DPYD: variants seen among roughly 807,000 people sequenced by gnomAD.
DPYD encodes dihydropyrimidine dehydrogenase.
Under a neutral mutation model 116.2 loss-of-function variants are expected in DPYD, and 109 were observed. The observed-to-expected ratio is 0.94, with a 90% CI of 0.80 to 1.10. The LOEUF (loss-of-function observed/expected upper bound fraction) is 1.10. DPYD is among the 50% of genes least tolerant of loss of function. The pLI is 0.00. For missense variants in DPYD, 1,302 were observed against 1,254.5 expected, an observed-to-expected ratio of 1.04 and a Z score of -0.57; for synonymous variants, 440 against 432.0, an observed-to-expected ratio of 1.02 and a Z score of -0.23.
At chr1:97,430,504 G>A (rs1675112981) in intron 14 of DPYD, among the ~76,000 whole-genome samples, 1 of 151,990 alleles carries the variant, frequency 6.6e-6, no homozygotes, top group Non-Finnish European at 1.5e-5. Flanking sequence ...TATTTAGCAT[G>A]CTTGAACCCA....
Position 97,803,909 on chromosome 1 carries a change from C to G in DPYD, c.233+24205G>C, listed in dbSNP as rs141471470. 5.4e-3 allele frequency among the ~76,000 whole-genome samples: 816 copies of G among 151,820 alleles called. 10 individuals carry two copies. The highest frequency in any genetic ancestry group is 0.019 in the African/African-American group (768 of 41,482). The stretch of plus-strand genomic sequence containing the variant: ...TTCAGAAAATACTTGGCAACTCCAC[C>G]TCATATGTACCTGGACTTAAAATAT... On this transcript the variant is annotated intron_variant, in intron 3 of 22. Transcript: ENST00000370192.
intron 12 of DPYD, among the ~76,000 whole-genome samples, chr1:97,540,933 T>C (rs1236069708): frequency 1.3e-5 from 2 of 152,220 alleles, no homozygotes; most frequent in African/African-American, 2.4e-5. Flanking sequence ...AATTTCACAA[T>C]ATCACCATGT....
At chr1:97,210,393 GA>G (rs1485502008) in intron 19 of DPYD, among the ~76,000 whole-genome samples, 2 of 152,110 alleles carry the variant, frequency 1.3e-5, no homozygotes, top group Non-Finnish European at 2.9e-5. Flanking sequence ...ATATTTCTGA[GA>G]ATGACAAGAG....
In DPYD at chr1:97,497,246, A is replaced by G. The variant is rs973546056; in HGVS notation, c.1740+18480T>C. 5.9e-5 allele frequency among the ~76,000 whole-genome samples: 9 copies of G among 152,060 alleles called. 2 individuals are homozygous for G. The highest frequency in any genetic ancestry group is 2.2e-4 in the African/African-American group (9 of 41,552). The stretch of plus-strand genomic sequence containing the variant: ...ATGTTTTGCTCAAAATTTAGCTAGG[A>G]ATATTTATTCATTTCTTTGAACTAT... On this transcript the variant is annotated intron_variant, in intron 13 of 22. Coordinates refer to ENST00000370192, the MANE Select transcript of DPYD (RefSeq NM_000110.4).
rs552702204 is a variant in DPYD at position 97,235,572 on chromosome 1, C to T, written c.2300-578G>A. ...CCACGAGGCGGAGGTTGCAGTGAGCCGAGATCACACCATTGCACTCCAGCC... is the reference window on the plus strand; with the variant it reads ...CCACGAGGCGGAGGTTGCAGTGAGCTGAGATCACACCATTGCACTCCAGCC... On this transcript the variant is annotated intron_variant, in intron 18 of 22. Coordinates refer to ENST00000370192, the MANE Select transcript of DPYD (RefSeq NM_000110.4). 5.3e-5 allele frequency among the ~76,000 whole-genome samples: 8 copies of T among 151,780 alleles called. 1 individual carries two copies. Among genetic ancestry groups the T allele is most frequent in the Admixed American group, 2.0e-4 (3 of 15,258 alleles).
intron 20 of DPYD, among the ~76,000 whole-genome samples, chr1:97,100,784 C>T (rs1234560410): frequency 1.3e-5 from 2 of 151,918 alleles, no homozygotes; most frequent in Admixed American, 6.6e-5. Context: ...ATTATTTCAA[C>T]AATGGTAATA....
intron 10 of DPYD, among the ~76,000 whole-genome samples, chr1:97,588,244 C>G (rs1346689796): frequency 6.6e-6 from 1 of 152,100 alleles, no homozygotes. Flanking sequence ...CTAAGGCGTA[C>G]CAGGGGTAGC....
intron 12 of DPYD, 131 bp downstream of exon 12, chr1:97,549,429 T>C: frequency 9.7e-7 from 1 of 1,027,228 alleles, no homozygotes; most frequent in Non-Finnish European, 1.5e-6. Context: ...TGTATCCAAG[T>C]ATGTACGTGA....
intron 5 of DPYD, among the ~76,000 whole-genome samples, chr1:97,708,292 T>C (rs749328998): frequency 1.4e-4 from 22 of 152,148 alleles, no homozygotes; most frequent in Non-Finnish European, 2.5e-4. Context: ...GTATTTTACA[T>C]TGAGGTTTAT....
intron 16 of DPYD, among the ~76,000 whole-genome samples, chr1:97,324,128 G>C (rs186347335): frequency 1.5e-4 from 23 of 152,064 alleles, no homozygotes; most frequent in Admixed American, 3.3e-4. Context: ...GACAACTCTT[G>C]GTGTTCATTC....
At chr1:97,405,522 G>A (rs968596771) in intron 14 of DPYD, among the ~76,000 whole-genome samples, 2 of 151,468 alleles carry the variant, frequency 1.3e-5, no homozygotes, top group Admixed American at 6.6e-5. Context: ...TTATTCTTTT[G>A]TTTGTTTTTT....
rs147683996 is a variant in DPYD at position 97,238,604 on chromosome 1, T to C, written c.2300-3610A>G. 2.2e-3 allele frequency among the ~76,000 whole-genome samples: 342 copies of C among 152,286 alleles called. 2 individuals carry two copies. The highest frequency in any genetic ancestry group is 7.9e-3 in the African/African-American group (329 of 41,560). On this transcript the variant is annotated intron_variant, in intron 18 of 22. Transcript: ENST00000370192. ...TCAATGCCATACAAAATTGTACATA[T>C]GCCAATTAAAATCATAAAGACTTCC...
intron 3 of DPYD, chr1:97,775,016 T>C (rs897620379): frequency 1.1e-5 from 3 of 284,462 alleles, no homozygotes; most frequent in African/African-American, 6.7e-5. Context: ...GAATGCCAGG[T>C]TTGTGACAGT....
intron 19 of DPYD, among the ~76,000 whole-genome samples, chr1:97,230,161 C>G (rs2100731310): frequency 6.6e-6 from 1 of 152,168 alleles, no homozygotes; most frequent in Non-Finnish European, 1.5e-5. Flanking sequence ...ATAAATCATC[C>G]CATTATAAAG....
intron 16 of DPYD, among the ~76,000 whole-genome samples, chr1:97,365,705 G>A (rs1462149752): frequency 6.6e-6 from 1 of 152,018 alleles, no homozygotes; most frequent in Non-Finnish European, 1.5e-5. Context: ...TCAGTTCACC[G>A]CAACCTCCGT....
chr1:97,304,656 A>G (rs1011861588), intron 18 of DPYD, among the ~76,000 whole-genome samples: 7 of 152,010 alleles, frequency 4.6e-5, no homozygotes, highest in African/African-American at 1.4e-4. Context: ...TGCAAGACCA[A>G]GTTCATGTTG....
intron 14 of DPYD, among the ~76,000 whole-genome samples, chr1:97,397,928 A>G (rs1229442226): frequency 2.0e-5 from 3 of 150,334 alleles, no homozygotes; most frequent in Non-Finnish European, 4.4e-5. Context: ...GTTTTACAAG[A>G]AACTGCCACA....
intron 3 of DPYD, among the ~76,000 whole-genome samples, chr1:97,752,749 G>C (rs755268212): frequency 6.6e-6 from 1 of 152,108 alleles, no homozygotes; most frequent in Non-Finnish European, 1.5e-5. Flanking sequence ...GAGCCATTCT[G>C]ATCTCTCTAA....
chr1:97,876,541 C>T lies in DPYD; in HGVS notation c.150+6723G>A, dbSNP rs557192721. Reference sequence around the variant, plus strand: ...AGGAACTTACTCTGCCATCTCTCCCCACTCCAACAGCCTTCATTTGAGAAC... The same window carrying T: ...AGGAACTTACTCTGCCATCTCTCCCTACTCCAACAGCCTTCATTTGAGAAC... On this transcript the variant is annotated intron_variant, in intron 2 of 22. Transcript: ENST00000370192. Among the ~76,000 whole-genome samples, 96 of 152,096 alleles carry T rather than the reference C, an allele frequency of 6.3e-4. 1 individual carries two copies. The highest frequency in any genetic ancestry group is 3.7e-3 in the Admixed American group (56 of 15,246).
Sources: allele counts gnomAD v4.1 joint callset (sites outside exome capture counted in the v4.1 genomes callset), GRCh38; gene constraint gnomAD v4.1.1; transcripts MANE v1.5; gene names NCBI Gene and HGNC (gene_info 2026-07-23, HGNC 2026-07-21).